The following SPAG16 variants were observed in gnomAD, a reference collection of about 807,000 sequenced individuals.
SPAG16 encodes sperm-associated antigen 16 protein.
Under a neutral mutation model 80.4 loss-of-function variants are expected in SPAG16, and 86 were observed. The ratio of observed to expected loss-of-function variants is 1.07; its 90% confidence interval spans 0.90 to 1.28. The LOEUF is 1.28. Ranked by LOEUF, SPAG16 falls within the 50% of genes most tolerant of loss-of-function variation. The probability of loss-of-function intolerance (pLI) is 0.00; values close to 1 mark genes in which losing one functional copy is unlikely to be tolerated. For synonymous variants in SPAG16, 294 were observed against 265.9 expected, an observed-to-expected ratio of 1.11 and a Z score of -1.03; for missense variants, 870 against 765.3, an observed-to-expected ratio of 1.14 and a Z score of -1.61.
At chr2:213,501,748 C>T (rs932656793) in intron 10 of SPAG16, among the ~76,000 whole-genome samples, 1 of 152,098 alleles carries the variant, frequency 6.6e-6, no homozygotes, top group Non-Finnish European at 1.5e-5. Flanking sequence ...AGAGAATGTA[C>T]ATTTATTTGT....
chr2:214,253,443 C>T (rs1309587237), intron 15 of SPAG16, among the ~76,000 whole-genome samples: 6 of 152,062 alleles, frequency 3.9e-5, no homozygotes, highest in African/African-American at 1.4e-4. Context: ...GTAGGTCTTA[C>T]GTTTAAGTCT....
At chr2:213,499,562 G>C (rs764588178) in intron 10 of SPAG16, among the ~76,000 whole-genome samples, 6 of 152,074 alleles carry the variant, frequency 3.9e-5, no homozygotes, top group Admixed American at 2.0e-4. Flanking sequence ...TTATAACCTG[G>C]CTATCACCAG....
At chr2:213,948,996 A>G (rs2079587514) in intron 12 of SPAG16, among the ~76,000 whole-genome samples, 1 of 152,038 alleles carries the variant, frequency 6.6e-6, no homozygotes, top group South Asian at 2.1e-4. Context: ...TTGTGTTTGC[A>G]CAGCCATACT....
chr2:213,357,075 A>G (rs1034800458), intron 7 of SPAG16, among the ~76,000 whole-genome samples: 4 of 152,142 alleles, frequency 2.6e-5, no homozygotes, highest in Admixed American at 2.6e-4. Flanking sequence ...GAGTTTCTTA[A>G]TCCTGAGTTC....
intron 5 of SPAG16, among the ~76,000 whole-genome samples, chr2:213,323,883 A>G (rs2063736635): frequency 6.6e-6 from 1 of 152,208 alleles, no homozygotes; most frequent in Non-Finnish European, 1.5e-5. Flanking sequence ...TCACAGAGGG[A>G]TGATTACTGC....
At chr2:213,581,593 A>G in intron 10 of SPAG16, among the ~76,000 whole-genome samples, 1 of 152,174 alleles carries the variant, frequency 6.6e-6, no homozygotes, top group Middle Eastern at 3.4e-3. Flanking sequence ...CTCAGGTCCA[A>G]GCTGATTTTG....
chr2:214,003,137 G>A (rs995545019), intron 12 of SPAG16, among the ~76,000 whole-genome samples: 8 of 152,268 alleles, frequency 5.3e-5, no homozygotes, highest in Middle Eastern at 3.4e-3. Context: ...CCATTTTCCC[G>A]TGTGAACCAG....
intron 12 of SPAG16, among the ~76,000 whole-genome samples, chr2:213,940,706 A>G (rs1458898529): frequency 6.6e-6 from 1 of 152,188 alleles, no homozygotes; most frequent in African/African-American, 2.4e-5. Context: ...GCAAAACTAT[A>G]ATCATAAATT....
At chr2:214,099,242 C>T (rs1039414074) in intron 13 of SPAG16, among the ~76,000 whole-genome samples, 9 of 151,828 alleles carry the variant, frequency 5.9e-5, no homozygotes, top group Non-Finnish European at 1.0e-4. Flanking sequence ...CAGCAGCCAA[C>T]AAAAATTAAT....
chr2:213,490,193 C>G, intron 10 of SPAG16, 103 bp downstream of exon 10: 1 of 1,132,300 alleles, frequency 8.8e-7, no homozygotes, highest in East Asian at 2.7e-5. Flanking sequence ...TGCTTTTAGC[C>G]TTTCAAAATT....
chr2:213,551,745 T>TA (rs1171022439), intron 10 of SPAG16, among the ~76,000 whole-genome samples: 2 of 152,190 alleles, frequency 1.3e-5, no homozygotes, highest in African/African-American at 4.8e-5. Flanking sequence ...TCTGTGGTTG[T>TA]AAAAGCAGTC....
chr2:213,470,359 T>C (rs1220977973), intron 9 of SPAG16, among the ~76,000 whole-genome samples: 1 of 152,138 alleles, frequency 6.6e-6, no homozygotes, highest in Admixed American at 6.5e-5. Context: ...TGGAATAACA[T>C]GATGATGGAT....
At chr2:213,902,893 T>C (rs1011960513) in intron 11 of SPAG16, among the ~76,000 whole-genome samples, 4 of 152,116 alleles carry the variant, frequency 2.6e-5, no homozygotes, top group Non-Finnish European at 5.9e-5. Context: ...ATGGGAGAAA[T>C]TCGTCAAAAC....
chr2:213,294,819 A>G (rs1342247722), intron 1 of SPAG16, among the ~76,000 whole-genome samples: 1 of 152,172 alleles, frequency 6.6e-6, no homozygotes, highest in East Asian at 1.9e-4. Context: ...ACCCACACAG[A>G]ACATGGAGAG....
At chr2:213,645,657 C>T (rs930005022) in intron 10 of SPAG16, among the ~76,000 whole-genome samples, 10 of 152,120 alleles carry the variant, frequency 6.6e-5, no homozygotes, top group Non-Finnish European at 1.0e-4. Context: ...CTTCTCTCTC[C>T]TCTTCTCAAG....
intron 12 of SPAG16, among the ~76,000 whole-genome samples, chr2:213,967,940 A>G (rs1436391908): frequency 6.6e-6 from 1 of 152,184 alleles, no homozygotes; most frequent in Non-Finnish European, 1.5e-5. Flanking sequence ...AGTGATTGAT[A>G]TATTTAATGG....
At chr2:214,065,218 C>T (rs957472056) in intron 13 of SPAG16, among the ~76,000 whole-genome samples, 1 of 151,960 alleles carries the variant, frequency 6.6e-6, no homozygotes, top group East Asian at 1.9e-4. Context: ...TGTTTTTAAG[C>T]ATTATGTCAC....
intron 10 of SPAG16, among the ~76,000 whole-genome samples, chr2:213,520,480 G>C (rs1450164237): frequency 1.3e-5 from 2 of 152,006 alleles, no homozygotes; most frequent in Non-Finnish European, 2.9e-5. Context: ...TGTAGTCCCA[G>C]CTACTCTGGA....
intron 15 of SPAG16, among the ~76,000 whole-genome samples, chr2:214,297,481 G>A (rs1044718904): frequency 1.3e-5 from 2 of 151,706 alleles, no homozygotes; most frequent in African/African-American, 4.8e-5. Flanking sequence ...AATCTACCTC[G>A]AGTTAATTCT....
Sources: allele counts gnomAD v4.1 joint callset (sites outside exome capture counted in the v4.1 genomes callset), GRCh38; gene constraint gnomAD v4.1.1; transcripts MANE v1.5; gene names NCBI Gene and HGNC (gene_info 2026-07-23, HGNC 2026-07-21).